Variants in TMEM144 observed in about 807,000 individuals in gnomAD.
The protein encoded by TMEM144 is transmembrane protein 144.
In TMEM144, 39 loss-of-function variants were observed where a neutral mutation model predicts 43.6. The ratio of observed to expected loss-of-function variants is 0.90; its 90% confidence interval spans 0.69 to 1.17. TMEM144 has a LOEUF of 1.17. Among genes scored for constraint, TMEM144 ranks in the 50% most tolerant of loss-of-function variants. The pLI is 0.00. For synonymous variants in TMEM144, 154 were observed against 133.6 expected, an observed-to-expected ratio of 1.15 and a Z score of -1.06; for missense variants, 417 against 411.9, an observed-to-expected ratio of 1.01 and a Z score of -0.11.
Position 158,237,566 on chromosome 4 carries a change from C to G in TMEM144, c.605C>G (p.Ser202Cys). 1 of 1,613,894 alleles carries G rather than the reference C, an allele frequency of 6.2e-7. No homozygotes were observed. The highest frequency in any genetic ancestry group is 1.1e-5 in the South Asian group (1 of 91,058). ...GTGATATCTGGAGTACTCTATGGATCTACATTTGTGCCAATCATCTACATC... is the reference window on the plus strand; with the variant it reads ...GTGATATCTGGAGTACTCTATGGATGTACATTTGTGCCAATCATCTACATC... ...LAVISGVLYG[S>C]TFVPIIYIKD... The change falls in exon 9 of 13, where the codon TCT becomes TGT. Residue 202 changes from serine (S) to cysteine (C), a missense_variant. Coordinates refer to ENST00000296529, the MANE Select transcript of TMEM144 (RefSeq NM_018342.5).
chr4:158,247,796 G>A (rs60412352), intron 12 of TMEM144, among the ~76,000 whole-genome samples: 4,329 of 151,844 alleles, frequency 0.029, 143 homozygotes, highest in African/African-American at 0.084. Context: ...GGAACATCTC[G>A]CTGTTATAAT....
In TMEM144 at chr4:158,250,951, T is replaced by C. The variant is rs190715401; in HGVS notation, c.955-2493T>C. 1.2e-4 allele frequency among the ~76,000 whole-genome samples: 19 copies of C among 152,300 alleles called. No individual in the cohort carries two copies. In the East Asian group the frequency reaches 3.7e-3, roughly 29 times the overall value. Reference sequence around the variant, plus strand: ...TGTTGGACCTCAGTGGCCAGAATTTTCACCAGAGAGGGAGGACACCAGCCC... The same window carrying C: ...TGTTGGACCTCAGTGGCCAGAATTTCCACCAGAGAGGGAGGACACCAGCCC... On this transcript the variant is annotated intron_variant, in intron 12 of 12. Coordinates refer to ENST00000296529, the MANE Select transcript of TMEM144 (RefSeq NM_018342.5).
At chr4:158,215,696 T>C (rs2111102193) in intron 4 of TMEM144, among the ~76,000 whole-genome samples, 1 of 152,324 alleles carries the variant, frequency 6.6e-6, no homozygotes, top group South Asian at 2.1e-4. Context: ...TTTTTAGGAC[T>C]TAACCTAATT....
chr4:158,235,881 A>G (rs747334697), intron 8 of TMEM144, among the ~76,000 whole-genome samples: 2 of 152,178 alleles, frequency 1.3e-5, no homozygotes, highest in South Asian at 2.1e-4. Flanking sequence ...CAGGATGCCC[A>G]CCCTGCTCTG....
chr4:158,223,466 G>T (rs1421223407), intron 6 of TMEM144, among the ~76,000 whole-genome samples: 3 of 151,930 alleles, frequency 2.0e-5, no homozygotes, highest in Non-Finnish European at 4.4e-5. Context: ...TAAGTTCCAG[G>T]ATACATGTGC....
At position 158,254,675 on chromosome 4, in the gene TMEM144, TC is replaced by T. The variant is rs1736392161; in HGVS notation, c.*1150del. 6.6e-6 allele frequency: 1 copy of T among 152,180 alleles called. No individual in the cohort carries two copies. Among genetic ancestry groups the T allele is most frequent in the Admixed American group, 6.5e-5 (1 of 15,274 alleles). The allele number at this position is 152,180 out of a possible 1,614,324, so 9.4% of individuals were successfully genotyped here. A position where few individuals can be genotyped will look rare whatever the true frequency, so the allele number is the denominator to read the frequency against. ...CAGTACAATGTTTGTTGCAATTGTT[TC>T]CAAAACTTTGAGATAACGAAACCCC... On this transcript the variant is annotated 3_prime_UTR_variant, in exon 13 of 13. Transcript: ENST00000296529.
intron 6 of TMEM144, among the ~76,000 whole-genome samples, chr4:158,227,794 C>T (rs6842834): frequency 0.35 from 53,842 of 152,050 alleles, 11,514 homozygotes; most frequent in East Asian, 0.82. Context: ...GTCCAGGCTT[C>T]TTTCTGATGG....
chr4:158,240,516 G>GT (rs577991929), intron 10 of TMEM144, 98 bp downstream of exon 10: 4 of 1,298,848 alleles, frequency 3.1e-6, no homozygotes, highest in Non-Finnish European at 4.2e-6. Context: ...GCCATCCTCT[G>GT]TGTGTATATG....
At chr4:158,231,940 A>G (rs1036322395) in intron 6 of TMEM144, among the ~76,000 whole-genome samples, 1 of 152,246 alleles carries the variant, frequency 6.6e-6, no homozygotes, top group African/African-American at 2.4e-5. Context: ...TTTACACAAA[A>G]GACAGCATAT....
At chr4:158,247,542 TA>T (rs1292191534) in intron 12 of TMEM144, among the ~76,000 whole-genome samples, 1 of 152,132 alleles carries the variant, frequency 6.6e-6, no homozygotes, top group Non-Finnish European at 1.5e-5. Context: ...TAAGATCATT[TA>T]GTAAGGCTTG....
chr4:158,224,656 G>A (rs1220297831), intron 6 of TMEM144, among the ~76,000 whole-genome samples: 1 of 152,130 alleles, frequency 6.6e-6, no homozygotes, highest in African/African-American at 2.4e-5. Context: ...ACAGCCTTCG[G>A]TCTGAGGAAG....
At chr4:158,215,061 G>A in intron 3 of TMEM144, 130 bp from the exon 4 acceptor site, 1 of 1,124,150 alleles carries the variant, frequency 8.9e-7, no homozygotes, top group Non-Finnish European at 1.3e-6. Flanking sequence ...AGAATGAAAT[G>A]TGCAAAGTCC....
At chr4:158,214,843 C>A (rs564601706) in intron 3 of TMEM144, among the ~76,000 whole-genome samples, 38 of 152,246 alleles carry the variant, frequency 2.5e-4, no homozygotes, top group Non-Finnish European at 4.1e-4. Flanking sequence ...CTCGGTCTTG[C>A]CATCACTCTT....
chr4:158,240,424 A>G lies in TMEM144; in HGVS notation c.802+6A>G. ...TCCTGAAGCAGTCCTACCAGGTAAGAATATGTACTACAGATCTTCTTACTA... is the reference window on the plus strand; with the variant it reads ...TCCTGAAGCAGTCCTACCAGGTAAGGATATGTACTACAGATCTTCTTACTA... On this transcript the variant is annotated splice_donor_region_variant and intron_variant, in intron 10 of 12. Coordinates refer to ENST00000296529, the MANE Select transcript of TMEM144 (RefSeq NM_018342.5). 6.2e-7 allele frequency: 1 copy of G among 1,600,902 alleles called. No homozygotes were observed. Among genetic ancestry groups the G allele is most frequent in the Non-Finnish European group, 8.5e-7 (1 of 1,175,806 alleles).
rs758248492 is a variant in TMEM144 at position 158,237,570 on chromosome 4, A to G, written c.609A>G (p.Thr203=). The stretch of plus-strand genomic sequence containing the variant: ...TATCTGGAGTACTCTATGGATCTAC[A>G]TTTGTGCCAATCATCTACATCAAGG... The part of the protein sequence containing the change: ...AVISGVLYGS[T]FVPIIYIKDH... The change falls in exon 9 of 13, where the codon ACA becomes ACG. Residue 203 remains threonine (T), a synonymous_variant. Transcript: ENST00000296529. The G allele has an allele frequency of 2.5e-6, 4 of 1,614,016 alleles. No individual in the cohort carries two copies. The Admixed American group carries it at 5.0e-5, about 20-fold the overall frequency.
In TMEM144 at chr4:158,253,631, A is replaced by T; in HGVS notation, c.*104A>T. On this transcript the variant is annotated 3_prime_UTR_variant, in exon 13 of 13. Transcript: ENST00000296529. ...GAGTGCATTTTCATATAGCAAATGG[A>T]TCTCAGCCACTGTTGGAGTGGGTAA... 1.1e-6 allele frequency: 1 copy of T among 887,932 alleles called. No homozygotes were observed. The highest frequency in any genetic ancestry group is 1.8e-6 in the Non-Finnish European group (1 of 568,286). 55.0% of individuals were successfully genotyped at this position (887,932 alleles called of 1,614,324 possible).
rs1736426728 is a variant in TMEM144, at chr4:158,255,320, TATTGGATAAC to T, written c.*1794_*1803del. 1 of 151,748 alleles carries T rather than the reference TATTGGATAAC, an allele frequency of 6.6e-6. No homozygotes were observed. The highest frequency in any genetic ancestry group is 2.4e-5 in the African/African-American group (1 of 41,400). 9.4% of individuals were successfully genotyped at this position (151,748 alleles called of 1,614,324 possible). ...CATTTAAATATATTTTAGAATTTTA[TATTGGATAAC>T]TTTTAATTATTCTTTAGTTGGGATT... On this transcript the variant is annotated 3_prime_UTR_variant, in exon 13 of 13. Transcript: ENST00000296529.
intron 11 of TMEM144, among the ~76,000 whole-genome samples, chr4:158,242,381 G>A (rs900202370): frequency 1.3e-5 from 2 of 152,160 alleles, no homozygotes; most frequent in Non-Finnish European, 2.9e-5. Flanking sequence ...AGAAGAGTTA[G>A]TCCCTACCCT....
intron 8 of TMEM144, 181 bp from the exon 9 acceptor site, chr4:158,237,344 G>C: frequency 1.8e-6 from 1 of 547,220 alleles, no homozygotes; most frequent in Non-Finnish European, 3.2e-6. Context: ...TCCTAGTCCT[G>C]ATGCCACTTT....
Sources: gnomAD v4.1 joint callset for allele counts (sites outside exome capture counted in the v4.1 genomes callset) on GRCh38, gnomAD v4.1.1 for gene constraint, MANE v1.5 for transcripts, NCBI Gene and HGNC (gene_info 2026-07-23, HGNC 2026-07-21) for gene names.